ABL1: variants seen among roughly 807,000 people sequenced by gnomAD.
ABL1 encodes the protein tyrosine-protein kinase ABL1.
In ABL1, 11 loss-of-function variants were observed where a neutral mutation model predicts 94.7. The ratio of observed to expected loss-of-function variants is 0.12; its 90% CI spans 0.07 to 0.19. The LOEUF (loss-of-function observed/expected upper bound fraction) is 0.19. Among genes scored for constraint, ABL1 ranks in the 10% least tolerant of loss-of-function variants. The pLI, the probability that ABL1 is intolerant of heterozygous loss-of-function variation, is 1.00. For synonymous variants in ABL1, 656 were observed against 622.4 expected (o/e 1.05, Z -0.80); for missense variants, 1,082 against 1,489.4 (o/e 0.73, Z 4.50).
Position 130,854,260 on chromosome 9 carries a change from G to C in ABL1, c.253+23G>C, listed in dbSNP as rs369488715. 1.2e-4 allele frequency: 190 copies of C among 1,608,176 alleles called. 1 individual carries two copies. The highest frequency in any genetic ancestry group is 8.4e-4 in the Middle Eastern group (5 of 5,958). The stretch of plus-strand genomic sequence containing the variant: ...AAGGTAAAAGGGTTGTGGGCAGCTA[G>C]TGGTGGTTGCAGGAGATAGAAATCT... On this transcript the variant is annotated intron_variant, in intron 2 of 10. Coordinates refer to ENST00000318560, the MANE Select transcript of ABL1 (RefSeq NM_005157.6).
At chr9:130,877,185 C>G (rs1305698508) in intron 7 of ABL1, among the ~76,000 whole-genome samples, 1 of 148,060 alleles carries the variant, frequency 6.8e-6, no homozygotes, top group Non-Finnish European at 1.5e-5. Flanking sequence ...AGCTCCTAGT[C>G]ATTTTGACAT....
rs775106685 is a variant in ABL1, at chr9:130,884,391, G to A, written c.2101G>A (p.Gly701Ser). The change falls in exon 11 of 11, where the codon GGC becomes AGC. Residue 701 changes from glycine to serine, a missense_variant. Coordinates refer to ENST00000318560, the MANE Select transcript of ABL1 (RefSeq NM_005157.6). The surrounding 1 kb of genome is among the most constrained non-coding windows in gnomAD (Gnocchi z 5.6). Reference sequence around the variant, plus strand: ...GCTGACCAGCAGCCGCCTAGCCACCGGCGAGGAGGAGGGCGGTGGCAGCTC... The same window carrying A: ...GCTGACCAGCAGCCGCCTAGCCACCAGCGAGGAGGAGGGCGGTGGCAGCTC... ...STLTSSRLAT[G>S]EEEGGGSSSK... 1.3e-5 allele frequency: 21 copies of A among 1,611,892 alleles called. No individual in the cohort carries two copies. Among genetic ancestry groups the A allele is most frequent in the East Asian group, 2.2e-5 (1 of 44,870 alleles).
chr9:130,733,374 T>C (rs776926263), intron 1 of ABL1, among the ~76,000 whole-genome samples: 14 of 152,124 alleles, frequency 9.2e-5, no homozygotes, highest in Non-Finnish European at 1.8e-4. Context: ...TATTGTTTCA[T>C]TGGTGATTTT....
chr9:130,805,974 G>C (rs1324130289), intron 1 of ABL1, among the ~76,000 whole-genome samples: 1 of 152,202 alleles, frequency 6.6e-6, no homozygotes, highest in Non-Finnish European at 1.5e-5. Flanking sequence ...GGCAACTGCA[G>C]TTTCAGAATG....
Position 130,885,823 on chromosome 9 carries a change from G to C in ABL1, c.*140G>C, listed in dbSNP as rs1323824303. ...GAGCTCTGCGCCAGGCAGAGCTGAGGGCCCTGTGGAGTCCAGCTCTACTAC... is the reference window on the plus strand; with the variant it reads ...GAGCTCTGCGCCAGGCAGAGCTGAGCGCCCTGTGGAGTCCAGCTCTACTAC... On this transcript the variant is annotated 3_prime_UTR_variant, in exon 11 of 11. Coordinates refer to ENST00000318560, the MANE Select transcript of ABL1 (RefSeq NM_005157.6). The C allele has an allele frequency of 8.4e-7, 1 of 1,187,394 alleles. No individual in the cohort carries two copies. The highest frequency in any genetic ancestry group is 1.2e-6 in the Non-Finnish European group (1 of 869,250). 73.6% of individuals were successfully genotyped at this position (1,187,394 alleles called of 1,614,324 possible).
rs1830934244 is a variant in ABL1, at chr9:130,854,093, T to G, written c.109T>G (p.Phe37Val). ...EALQRPVASD[F>V]EPQGLSEAAR... is the part of the protein sequence containing the mutation. ...CCTTCAGCGGCCAGTAGCATCTGAC[T>G]TTGAGCCTCAGGGTCTGAGTGAAGC... Residue 37 changes from phenylalanine to valine, a missense_variant, in exon 2 of 11, where the codon TTT (phenylalanine) becomes GTT (valine). Around this residue, in one of 7 missense-constraint regions of ABL1, gnomAD observed 65 missense variants for 80.8 expected, o/e 0.80. Coordinates refer to ENST00000318560, the MANE Select transcript of ABL1 (RefSeq NM_005157.6). 3.1e-6 allele frequency: 5 copies of G among 1,614,136 alleles called. No homozygotes were observed. The highest frequency in any genetic ancestry group is 3.3e-4 in the Middle Eastern group (2 of 6,062).
intron 1 of ABL1, among the ~76,000 whole-genome samples, chr9:130,734,045 C>T (rs548470193): frequency 6.6e-6 from 1 of 152,044 alleles, no homozygotes; most frequent in Non-Finnish European, 1.5e-5. Flanking sequence ...AATCAAGTGT[C>T]TCTTGACAGC....
At chr9:130,760,943 C>CTTTTTTTTTTTT (rs35842480) in intron 1 of ABL1, among the ~76,000 whole-genome samples, 2 of 85,242 alleles carry the variant, frequency 2.3e-5, no homozygotes, top group Non-Finnish European at 4.0e-5. Context: ...CCCGCCCCTG[C>CTTTTTTTTTTTT]TTTTTTTTTT....
At chr9:130,876,768 A>C (rs1442252351) in intron 7 of ABL1, among the ~76,000 whole-genome samples, 6 of 101,464 alleles carry the variant, frequency 5.9e-5, no homozygotes, top group Admixed American at 1.4e-4. Flanking sequence ...AGACAGTCTC[A>C]CTCTGTCGCC....
rs1398001991 is a variant in ABL1 at position 130,835,803 on chromosome 9, C to T, written c.79+278C>T. Among the ~76,000 whole-genome samples the T allele has an allele frequency of 2.6e-5, 4 of 152,248 alleles. No homozygotes were observed. The highest frequency in any genetic ancestry group is 9.6e-5 in the African/African-American group (4 of 41,466). On this transcript the variant is annotated intron_variant, in intron 1 of 10. Coordinates refer to ENST00000318560, the MANE Select transcript of ABL1 (RefSeq NM_005157.6). This position sits in a 1 kb window ranked among gnomAD's most constrained non-coding sequence, Gnocchi z 4.6. ...TCTCGCGATGGCCCCTAGGCGCCGC[C>T]GGCGGAGCGTGGCCCCCAGCCCCGG...
intron 1 of ABL1, among the ~76,000 whole-genome samples, chr9:130,853,424 G>A (rs114906437): frequency 0.026 from 3,809 of 148,090 alleles, 174 homozygotes; most frequent in African/African-American, 0.089. Flanking sequence ...TCCACCCCCG[G>A]CTTTTTTTTT....
intron 3 of ABL1, among the ~76,000 whole-genome samples, chr9:130,861,154 A>C (rs1327048440): frequency 6.6e-6 from 1 of 152,180 alleles, no homozygotes; most frequent in Admixed American, 6.5e-5. Flanking sequence ...TGTCTTGCAG[A>C]GGGATAAGCC....
At chr9:130,853,848 C>T (rs1830928395) in intron 1 of ABL1, among the ~76,000 whole-genome samples, 1 of 152,136 alleles carries the variant, frequency 6.6e-6, no homozygotes, top group African/African-American at 2.4e-5. Context: ...ATAATTACCA[C>T]CTTGGAGTGA....
upstream of ABL1, among the ~76,000 whole-genome samples, chr9:130,833,019 C>T (rs1257858652): frequency 1.3e-5 from 2 of 152,034 alleles, no homozygotes; most frequent in Non-Finnish European, 1.5e-5. Context: ...AGTTTATAAG[C>T]ATTATTCATT....
At chr9:130,848,358 A>C (rs564428013) in intron 1 of ABL1, among the ~76,000 whole-genome samples, 5 of 149,820 alleles carry the variant, frequency 3.3e-5, no homozygotes, top group South Asian at 2.1e-4. Context: ...AAAAAAAAAA[A>C]AAAAAAAAAC....
intron 1 of ABL1, among the ~76,000 whole-genome samples, chr9:130,808,252 T>C (rs1305632938): frequency 2.0e-5 from 3 of 150,062 alleles, no homozygotes; most frequent in Admixed American, 6.7e-5. Flanking sequence ...TTCTTCTTTT[T>C]TTTTTTTTTG....
intron 1 of ABL1, among the ~76,000 whole-genome samples, chr9:130,813,056 A>G (rs1830230969): frequency 1.3e-5 from 2 of 151,954 alleles, no homozygotes; most frequent in Non-Finnish European, 2.9e-5. Flanking sequence ...TCTACGAAAA[A>G]TACCAAAAAT....
intron 1 of ABL1, among the ~76,000 whole-genome samples, chr9:130,716,889 T>G (rs1259560289): frequency 6.6e-6 from 1 of 152,130 alleles, no homozygotes; most frequent in Non-Finnish European, 1.5e-5. Context: ...TAGCTGGGAT[T>G]ACAGGTGTGC....
intron 8 of ABL1, among the ~76,000 whole-genome samples, chr9:130,878,874 ATTTTT>A (rs943552961): frequency 7.9e-6 from 1 of 127,288 alleles, no homozygotes. Context: ...TCATGAGGTG[ATTTTT>A]TTTTTTTTTT....
Sources: gnomAD v4.1 joint callset for allele counts (sites outside exome capture counted in the v4.1 genomes callset) on GRCh38, gnomAD v4.1.1 for gene constraint, gnomAD v4.1.1 regional missense constraint, Gnocchi (gnomAD v3.1) non-coding constraint, MANE v1.5 for transcripts, NCBI Gene and HGNC (gene_info 2026-07-23, HGNC 2026-07-21) for gene names.